The following TLE1 variants were observed in gnomAD, a reference collection of about 807,000 sequenced individuals.
TLE1 encodes transducin-like enhancer protein 1.
A neutral mutation model predicts 89.8 loss-of-function variants in TLE1; 21 were observed. The ratio of observed to expected loss-of-function variants is 0.23; its 90% confidence interval spans 0.17 to 0.34. The LOEUF is 0.34. Among genes scored for constraint, TLE1 ranks in the 10% least tolerant of loss-of-function variants. The probability of loss-of-function intolerance (pLI) is 1.00; values close to 1 mark genes in which losing one functional copy is unlikely to be tolerated. For missense variants in TLE1, 795 were observed against 1,031.2 expected (o/e 0.77, Z 3.14); for synonymous variants, 447 against 407.6 (o/e 1.10, Z -1.16).
chr9:81,634,100 T>C lies in TLE1; in HGVS notation c.574A>G (p.Arg192Gly), dbSNP rs199776589. 20 of 1,607,188 alleles carry C rather than the reference T, an allele frequency of 1.2e-5. No individual in the cohort carries two copies. The Middle Eastern group carries it at 6.6e-4, about 53-fold the overall frequency. Residue 192 changes from arginine to glycine, a missense_variant, in exon 7 of 20, where the codon AGA (arginine) becomes GGA (glycine). Around this residue, in one of 4 missense-constraint regions of TLE1, gnomAD observed 468 missense variants for 509.1 expected, o/e 0.92. Transcript: ENST00000376499. The stretch of plus-strand genomic sequence containing the variant: ...TCTGGCTTGCCCGGCCTCTCACCTC[T>C]GTGGTGCTCTGCATCGTGGTGCTTC... Reference protein sequence around the residue: ...DKKHHDAEHHRDREPGTSNSL... With the variant: ...DKKHHDAEHHGDREPGTSNSL...
intron 5 of TLE1, among the ~76,000 whole-genome samples, chr9:81,652,747 C>G (rs1185659494): frequency 6.6e-6 from 1 of 152,088 alleles, no homozygotes; most frequent in East Asian, 1.9e-4. Context: ...TCAAGACCAG[C>G]ATGGGCAACA....
intron 14 of TLE1, among the ~76,000 whole-genome samples, chr9:81,604,391 T>A (rs558128022): frequency 5.9e-5 from 9 of 152,196 alleles, no homozygotes; most frequent in African/African-American, 1.7e-4. Flanking sequence ...GACAGACAAA[T>A]TCTAGCCAGA....
intron 15 of TLE1, among the ~76,000 whole-genome samples, chr9:81,591,342 C>T (rs1314642214): frequency 6.6e-6 from 1 of 152,154 alleles, no homozygotes; most frequent in Non-Finnish European, 1.5e-5. Context: ...TGAGAAGAAA[C>T]CACTTTTCCA....
chr9:81,670,559 T>C (rs1014131223), intron 4 of TLE1, among the ~76,000 whole-genome samples: 2 of 151,852 alleles, frequency 1.3e-5, no homozygotes, highest in Non-Finnish European at 2.9e-5. Context: ...CTCCTGACCC[T>C]CCTGACACCT....
In TLE1 at chr9:81,615,542, T is replaced by C. The variant is rs796335328; in HGVS notation, c.918+440A>G. ...GGCAAAACCCCATCTCTACTAAAAA[T>C]ACAAAAAAAAAAAAAAAAAAATTAG... On this transcript the variant is annotated intron_variant, in intron 11 of 19. Coordinates refer to ENST00000376499, the MANE Select transcript of TLE1 (RefSeq NM_005077.5). 3.4e-4 allele frequency among the ~76,000 whole-genome samples: 16 copies of C among 47,432 alleles called. 1 individual carries two copies. Among genetic ancestry groups the C allele is most frequent in the African/African-American group, 1.9e-3 (15 of 7,876 alleles). The allele number at this position is 47,432 out of a possible 152,430, so 31.1% of individuals were successfully genotyped here.
At chr9:81,662,590 TGAG>T (rs1830955550) in intron 4 of TLE1, among the ~76,000 whole-genome samples, 2 of 151,448 alleles carry the variant, frequency 1.3e-5, no homozygotes, top group East Asian at 4.0e-4. Flanking sequence ...CCCAGCTACT[TGAG>T]GAGCTGAGGT....
intron 14 of TLE1, among the ~76,000 whole-genome samples, chr9:81,603,107 C>T (rs758924851): frequency 8.5e-5 from 13 of 152,206 alleles, no homozygotes; most frequent in Non-Finnish European, 1.3e-4. Flanking sequence ...TTTGCACATG[C>T]TGCTCTCTCC....
chr9:81,651,319 G>C (rs1829502495), intron 6 of TLE1, among the ~76,000 whole-genome samples: 3 of 152,174 alleles, frequency 2.0e-5, no homozygotes, highest in Admixed American at 1.3e-4. Context: ...GAACACATGA[G>C]AACCATCCCA....
rs184126096 is a variant in TLE1, at chr9:81,600,970, C to A, written c.1332-7696G>T. Among the ~76,000 whole-genome samples the A allele has an allele frequency of 1.3e-4, 20 of 152,280 alleles. No homozygotes were observed. The East Asian group carries it at 3.7e-3, about 28-fold the overall frequency. On this transcript the variant is annotated intron_variant, in intron 14 of 19. Coordinates refer to ENST00000376499, the MANE Select transcript of TLE1 (RefSeq NM_005077.5). ...TGGAGTAGAACTGCGCCAGCTTTCCCGGGCCTCCAGCTTGCAGACAATAAA... is the reference window on the plus strand; with the variant it reads ...TGGAGTAGAACTGCGCCAGCTTTCCAGGGCCTCCAGCTTGCAGACAATAAA...
At position 81,676,740 on chromosome 9, in the gene TLE1, T is replaced by A. The variant is rs530497764; in HGVS notation, c.234+8936A>T. Reference sequence around the variant, plus strand: ...CCCAAGACCCTGAAGACAATTTACATCTGCTATCTTAAAGATGCTCCCTTT... The same window carrying A: ...CCCAAGACCCTGAAGACAATTTACAACTGCTATCTTAAAGATGCTCCCTTT... On this transcript the variant is annotated intron_variant, in intron 4 of 19. Transcript: ENST00000376499. Among the ~76,000 whole-genome samples the A allele has an allele frequency of 1.8e-4, 28 of 152,256 alleles. 1 individual carries two copies. In the East Asian group the frequency reaches 5.0e-3, roughly 27 times the overall value.
intron 11 of TLE1, among the ~76,000 whole-genome samples, chr9:81,615,138 G>GA (rs1824290691): frequency 9.7e-6 from 1 of 103,308 alleles, no homozygotes; most frequent in African/African-American, 3.6e-5. Flanking sequence ...GAAGAAGAAG[G>GA]CAATGAACAT....
At chr9:81,663,199 G>A (rs1457555995) in intron 4 of TLE1, among the ~76,000 whole-genome samples, 1 of 152,120 alleles carries the variant, frequency 6.6e-6, no homozygotes, top group Admixed American at 6.6e-5. Flanking sequence ...GCGCCGTCAG[G>A]CTCACCACGT....
chr9:81,606,210 T>C (rs565891589), intron 14 of TLE1, among the ~76,000 whole-genome samples: 92 of 152,372 alleles, frequency 6.0e-4, no homozygotes, highest in Non-Finnish European at 1.1e-3. Flanking sequence ...GAAGACAGCA[T>C]GGCAATTCCT....
intron 4 of TLE1, among the ~76,000 whole-genome samples, chr9:81,671,943 C>T (rs1049981266): frequency 1.3e-5 from 2 of 152,140 alleles, no homozygotes; most frequent in South Asian, 4.1e-4. Context: ...GAGCTCATGG[C>T]CCAAGCACTG....
chr9:81,600,076 G>C, intron 14 of TLE1: 1 of 737,956 alleles, frequency 1.4e-6, no homozygotes, highest in Non-Finnish European at 2.5e-6. Context: ...TCAATTACAC[G>C]TTTCCAAACT....
chr9:81,687,350 G>A lies in TLE1; in HGVS notation c.109C>T (p.Gln37Ter). The change falls in exon 2 of 20, where the codon CAG becomes TAG. Residue 37 changes from glutamine to a stop codon, truncating the protein, a stop_gained. Transcript: ENST00000376499. LOFTEE classifies it high-confidence loss of function. ...GACACGCACCTGTGATACTGCGCCT[G>A]CAGGAACTGGAATTCCTCTTTAATC... is the stretch of plus-strand genomic sequence containing the variant. ...DRIKEEFQFL[Q>*]AQYHSLKLEC... 6.2e-7 allele frequency: 1 copy of A among 1,606,776 alleles called. No homozygotes were observed.
At chr9:81,618,688 G>C (rs1053065320) in intron 9 of TLE1, among the ~76,000 whole-genome samples, 42 of 151,992 alleles carry the variant, frequency 2.8e-4, no homozygotes, top group African/African-American at 1.0e-3. Flanking sequence ...GGGTGGTGGT[G>C]GTGAAAAAAT....
At chr9:81,682,167 T>A (rs1046613329) in intron 4 of TLE1, among the ~76,000 whole-genome samples, 7 of 151,850 alleles carry the variant, frequency 4.6e-5, no homozygotes. Context: ...GGCAGGAGAA[T>A]TGCTTGAACC....
intron 6 of TLE1, among the ~76,000 whole-genome samples, chr9:81,644,660 A>G (rs1242503696): frequency 5.9e-5 from 9 of 152,158 alleles, no homozygotes; most frequent in Non-Finnish European, 7.3e-5. Flanking sequence ...TTGTACAGCA[A>G]TGTGAATACG....
Sources: allele counts gnomAD v4.1 joint callset (sites outside exome capture counted in the v4.1 genomes callset), GRCh38; gene constraint gnomAD v4.1.1; regional missense constraint gnomAD v4.1.1; transcripts MANE v1.5; gene names NCBI Gene and HGNC (gene_info 2026-07-23, HGNC 2026-07-21).